The following AKAP7 variants were observed in gnomAD, a reference collection of about 807,000 sequenced individuals.
AKAP7 encodes the protein A kinase (PRKA) anchor protein 7.
A neutral mutation model predicts 39.5 loss-of-function variants in AKAP7; 39 were observed. The ratio of observed to expected loss-of-function variants is 0.99; its 90% CI spans 0.76 to 1.29. The LOEUF (loss-of-function observed/expected upper bound fraction) is 1.29. Among genes scored for constraint, AKAP7 ranks in the 50% most tolerant of loss-of-function variants. AKAP7 has a pLI of 0.00. For missense variants in AKAP7, 414 were observed against 407.7 expected (o/e 1.02, Z -0.13); for synonymous variants, 140 against 139.1 (o/e 1.01, Z -0.05).
chr6:131,221,165 C>G (rs1554214507), intron 7 of AKAP7, among the ~76,000 whole-genome samples: 1 of 152,128 alleles, frequency 6.6e-6, no homozygotes, highest in Non-Finnish European at 1.5e-5. Context: ...ACACACAAAT[C>G]AAAAGAAAGT....
rs1462676768 is a variant in AKAP7 at position 131,160,209 on chromosome 6, T to A, written c.291+11T>A. On this transcript the variant is annotated intron_variant, in intron 3 of 7. Coordinates refer to ENST00000431975, the MANE Select transcript of AKAP7 (RefSeq NM_016377.4). ...ATCACCAACAAAGAGGTGCTATTTT[T>A]AAAAAGTTATTTTTACTGTGAAATT... 4 of 1,594,922 alleles carry A rather than the reference T, an allele frequency of 2.5e-6. No individual in the cohort carries two copies. The highest frequency in any genetic ancestry group is 1.4e-5 in the African/African-American group (1 of 72,866).
At chr6:131,219,593 G>A in intron 6 of AKAP7, 68 bp from the exon 7 acceptor site, 1 of 1,404,898 alleles carries the variant, frequency 7.1e-7, no homozygotes, top group Non-Finnish European at 9.7e-7. Context: ...TTCAAAGAAA[G>A]TGATGTAGTT....
intron 1 of AKAP7, among the ~76,000 whole-genome samples, chr6:131,141,212 C>T (rs1334312382): frequency 6.6e-6 from 1 of 152,032 alleles, no homozygotes; most frequent in African/African-American, 2.4e-5. Flanking sequence ...GTGTTTGGGT[C>T]ATGGGGTGGA....
intron 6 of AKAP7, chr6:131,199,909 A>C: frequency 7.4e-6 from 2 of 271,078 alleles, no homozygotes; most frequent in Non-Finnish European, 1.4e-5. Context: ...GGTTATTTGC[A>C]TCCTGTTGCT....
chr6:131,262,991 G>A (rs1441395205), intron 7 of AKAP7, among the ~76,000 whole-genome samples: 1 of 152,198 alleles, frequency 6.6e-6, no homozygotes, highest in African/African-American at 2.4e-5. Flanking sequence ...AGGCTCAGAC[G>A]TCAGGGGGCC....
At chr6:131,233,168 T>A (rs932299487) in intron 7 of AKAP7, among the ~76,000 whole-genome samples, 1 of 152,040 alleles carries the variant, frequency 6.6e-6, no homozygotes, top group South Asian at 2.1e-4. Flanking sequence ...TGTGGTGAAA[T>A]CACAATAGAC....
chr6:131,148,474 C>G (rs1210291250), intron 2 of AKAP7, among the ~76,000 whole-genome samples: 1 of 121,974 alleles, frequency 8.2e-6, no homozygotes. Context: ...TAAAAATTCC[C>G]CCCCCCGTTT....
At chr6:131,180,088 G>A (rs1206704436) in intron 5 of AKAP7, among the ~76,000 whole-genome samples, 1 of 152,172 alleles carries the variant, frequency 6.6e-6, no homozygotes, top group Non-Finnish European at 1.5e-5. Flanking sequence ...CCTGTTTGGA[G>A]CAACTATAAC....
In AKAP7 at chr6:131,219,736, A is replaced by T. The variant is rs1259565688; in HGVS notation, c.778A>T (p.Ile260Leu). 2.5e-6 allele frequency: 4 copies of T among 1,599,144 alleles called. No homozygotes were observed. The Admixed American group carries it at 6.9e-5, about 28-fold the overall frequency. ...ATTTGGAGAAGAAATATTATATCGC[A>T]TAGATCTTTGCTCCATGCTGAAGAA... ...HRFGEEILYR[I>L]DLCSMLKKKQ... The change falls in exon 7 of 8, where the codon ATA becomes TTA. Residue 260 changes from isoleucine (I) to leucine (L), a missense_variant. Ile to Leu is a conservative substitution (Grantham distance 5). Coordinates refer to ENST00000431975, the MANE Select transcript of AKAP7 (RefSeq NM_016377.4).
intron 2 of AKAP7, among the ~76,000 whole-genome samples, chr6:131,156,047 T>A (rs1320095683): frequency 4.6e-5 from 7 of 152,206 alleles, no homozygotes; most frequent in Admixed American, 4.6e-4. Context: ...GTCATTGGCC[T>A]TTTCACTATC....
chr6:131,261,767 C>A (rs1302403697), intron 7 of AKAP7, among the ~76,000 whole-genome samples: 4 of 152,090 alleles, frequency 2.6e-5, no homozygotes, highest in Non-Finnish European at 5.9e-5. Context: ...TCTTAGTCCG[C>A]TGTAAATAAA....
chr6:131,131,467 CTTTTTTT>C (rs3031855), upstream of AKAP7, among the ~76,000 whole-genome samples: 5 of 138,356 alleles, frequency 3.6e-5, no homozygotes, highest in South Asian at 2.3e-4. Flanking sequence ...CTCTTTCTTT[CTTTTTTT>C]TTTTTTTTTT....
At position 131,145,401 on chromosome 6, in the gene AKAP7, C is replaced by A; in HGVS notation, c.136C>A (p.Gln46Lys). Residue 46 changes from glutamine to lysine, a missense_variant, in exon 2 of 8, where the codon CAG (glutamine) becomes AAG (lysine). Physicochemically the swap from Gln to Lys is moderately conservative, Grantham distance 53 (BLOSUM62 1). Transcript: ENST00000431975. ...CATGCCATTTGCTACTGTAGATATT[C>A]AGGATGACTGTGGAAGTAAGTACTT... ...VDMPFATVDI[Q>K]DDCGITDEPQ... is the part of the protein sequence containing the mutation. 6.5e-7 allele frequency: 1 copy of A among 1,533,154 alleles called. No homozygotes were observed. The highest frequency in any genetic ancestry group is 8.8e-7 in the Non-Finnish European group (1 of 1,138,208). 95.0% of individuals were successfully genotyped at this position (1,533,154 alleles called of 1,614,324 possible).
intron 4 of AKAP7, among the ~76,000 whole-genome samples, chr6:131,168,125 A>G (rs764856598): frequency 2.6e-5 from 4 of 152,178 alleles, no homozygotes; most frequent in Non-Finnish European, 5.9e-5. Flanking sequence ...TATTAAGAAA[A>G]ATGTGGCTGG....
At chr6:131,155,261 A>T (rs1005318286) in intron 2 of AKAP7, among the ~76,000 whole-genome samples, 1 of 152,078 alleles carries the variant, frequency 6.6e-6, no homozygotes, top group Non-Finnish European at 1.5e-5. Context: ...TGGTCCTCCC[A>T]CCTAGGTCTC....
At chr6:131,207,021 A>G (rs184706333) in intron 6 of AKAP7, among the ~76,000 whole-genome samples, 39 of 152,332 alleles carry the variant, frequency 2.6e-4, no homozygotes, top group East Asian at 3.9e-4. Flanking sequence ...ACAAAATCAC[A>G]TAACCTCTCT....
chr6:131,146,863 G>C (rs1312834315), intron 2 of AKAP7, among the ~76,000 whole-genome samples: 1 of 152,198 alleles, frequency 6.6e-6, no homozygotes, highest in African/African-American at 2.4e-5. Flanking sequence ...TTATAGCCAG[G>C]CATTGTGCTG....
chr6:131,164,073 T>C (rs1474072077), intron 3 of AKAP7, among the ~76,000 whole-genome samples: 2 of 152,146 alleles, frequency 1.3e-5, no homozygotes, highest in Non-Finnish European at 2.9e-5. Context: ...AATGGGAACA[T>C]TGTTCAGGAT....
intron 7 of AKAP7, among the ~76,000 whole-genome samples, chr6:131,262,350 T>C (rs1225526595): frequency 1.3e-5 from 2 of 152,138 alleles, no homozygotes; most frequent in East Asian, 1.9e-4. Context: ...AGCTCTGTTA[T>C]CATAAACCTG....
Sources: allele counts gnomAD v4.1 joint callset (sites outside exome capture counted in the v4.1 genomes callset), GRCh38; gene constraint gnomAD v4.1.1; transcripts MANE v1.5; gene names NCBI Gene and HGNC (gene_info 2026-07-23, HGNC 2026-07-21).